The following PTCSC3 variants were observed in gnomAD, a reference collection of about 807,000 sequenced individuals.
The protein encoded by PTCSC3 is papillary thyroid carcinoma susceptibility candidate 3 (non-protein coding).
At chr14:36,151,990 A>G (rs565673105) in intron 3 of PTCSC3, among the ~76,000 whole-genome samples, 23 of 152,334 alleles carry the variant, frequency 1.5e-4, no homozygotes, top group Admixed American at 5.9e-4. Flanking sequence ...TGTAACTGCA[A>G]TGCTCTGATG....
At chr14:36,145,226 G>A (rs2139091789) in intron 3 of PTCSC3, among the ~76,000 whole-genome samples, 1 of 148,410 alleles carries the variant, frequency 6.7e-6, no homozygotes, top group Admixed American at 6.7e-5. Context: ...AATAGTTTCA[G>A]AAGGAATGGT....
At chr14:36,157,005 G>T (rs922745228) in intron 2 of PTCSC3, among the ~76,000 whole-genome samples, 12 of 152,082 alleles carry the variant, frequency 7.9e-5, no homozygotes, top group Admixed American at 7.2e-4. Flanking sequence ...TTCCACAATG[G>T]TTGAACTAAT....
chr14:36,148,538 C>T (rs1881645720), intron 3 of PTCSC3, among the ~76,000 whole-genome samples: 1 of 152,218 alleles, frequency 6.6e-6, no homozygotes, highest in Non-Finnish European at 1.5e-5. Context: ...GCAGTGTGTG[C>T]ACCCACTGAC....
At chr14:36,164,073 T>C (rs1299834502) in intron 1 of PTCSC3, 1 of 152,212 alleles carries the variant, frequency 6.6e-6, no homozygotes, top group Admixed American at 6.5e-5. Flanking sequence ...ATAGCTGAAT[T>C]TCATGTATAA....
chr14:36,173,735 C>T (rs750981632), intron 1 of PTCSC3, among the ~76,000 whole-genome samples: 14 of 152,018 alleles, frequency 9.2e-5, no homozygotes, highest in Non-Finnish European at 1.8e-4. Context: ...TTAAATTTCT[C>T]TTTCACCTGA....
chr14:36,157,134 T>G (rs945102730), intron 2 of PTCSC3, among the ~76,000 whole-genome samples: 2 of 152,240 alleles, frequency 1.3e-5, no homozygotes, highest in Non-Finnish European at 2.9e-5. Flanking sequence ...TATCACATTG[T>G]GGTTTTGATT....
At chr14:36,163,113 G>A (rs1360783563) in intron 1 of PTCSC3, among the ~76,000 whole-genome samples, 2 of 151,596 alleles carry the variant, frequency 1.3e-5, no homozygotes, top group East Asian at 3.9e-4. Flanking sequence ...AGCCATGGTA[G>A]GTGGTACACA....
chr14:36,165,506 T>C (rs932540032), intron 1 of PTCSC3, among the ~76,000 whole-genome samples: 5 of 151,968 alleles, frequency 3.3e-5, no homozygotes, highest in Non-Finnish European at 7.4e-5. Context: ...TGACAACAGA[T>C]TGAGAGTTAA....
At chr14:36,171,042 C>T (rs2139113730) in intron 1 of PTCSC3, among the ~76,000 whole-genome samples, 1 of 152,242 alleles carries the variant, frequency 6.6e-6, no homozygotes, top group South Asian at 2.1e-4. Flanking sequence ...AATAAATTGG[C>T]TGTGATGGGC....
intron 3 of PTCSC3, among the ~76,000 whole-genome samples, chr14:36,137,259 TACA>T (rs35237394): frequency 0.081 from 12,275 of 151,998 alleles, 592 homozygotes; most frequent in Middle Eastern, 0.2. Context: ...ATATTTTAGG[TACA>T]ACAACGAGGC....
chr14:36,141,459 ATATATC>A (rs1199263680), intron 3 of PTCSC3, among the ~76,000 whole-genome samples: 2 of 151,908 alleles, frequency 1.3e-5, no homozygotes, highest in Admixed American at 6.6e-5. Flanking sequence ...ATATAGATAT[ATATATC>A]TATAAACATC....
intron 1 of PTCSC3, among the ~76,000 whole-genome samples, chr14:36,164,904 A>G (rs1344599292): frequency 1.3e-5 from 2 of 152,220 alleles, no homozygotes; most frequent in African/African-American, 4.8e-5. Context: ...TATCTTTGTT[A>G]ATTCCTACTA....
chr14:36,143,049 G>A (rs1472473161), intron 3 of PTCSC3, among the ~76,000 whole-genome samples: 9 of 151,690 alleles, frequency 5.9e-5, no homozygotes, highest in Admixed American at 5.3e-4. Flanking sequence ...TCTTAATCCA[G>A]TCTATCATTG....
intron 3 of PTCSC3, among the ~76,000 whole-genome samples, chr14:36,153,113 C>A (rs118145423): frequency 0.015 from 2,354 of 152,170 alleles, 23 homozygotes; most frequent in Middle Eastern, 0.037. Flanking sequence ...TTTTGATGGT[C>A]CTCTTTGATT....
intron 2 of PTCSC3, among the ~76,000 whole-genome samples, chr14:36,155,682 C>G (rs1296627881): frequency 6.6e-6 from 1 of 152,076 alleles, no homozygotes; most frequent in East Asian, 1.9e-4. Context: ...TTCTTCCTCT[C>G]TTTCTCTGTG....
intron 3 of PTCSC3, among the ~76,000 whole-genome samples, chr14:36,146,932 G>A (rs1881588609): frequency 6.6e-6 from 1 of 152,130 alleles, no homozygotes; most frequent in Non-Finnish European, 1.5e-5. Context: ...AGCTTAGTTT[G>A]GCTGGATATG....
At chr14:36,145,871 T>G (rs1343254346) in intron 3 of PTCSC3, among the ~76,000 whole-genome samples, 100 of 146,836 alleles carry the variant, frequency 6.8e-4, no homozygotes, top group African/African-American at 2.5e-3. Flanking sequence ...GTCTTTGTTC[T>G]CGTTGGTTTC....
At chr14:36,147,831 T>A (rs925865436) in intron 3 of PTCSC3, among the ~76,000 whole-genome samples, 1 of 151,904 alleles carries the variant, frequency 6.6e-6, no homozygotes, top group Non-Finnish European at 1.5e-5. Context: ...GATGTACAGA[T>A]GGGTTTTTGG....
intron 1 of PTCSC3, among the ~76,000 whole-genome samples, chr14:36,164,851 A>G (rs938907717): frequency 1.3e-5 from 2 of 152,206 alleles, no homozygotes; most frequent in East Asian, 1.9e-4. Flanking sequence ...TGTCTTTGCT[A>G]TATGTATCTT....
Sources: allele counts gnomAD v4.1 joint callset (sites outside exome capture counted in the v4.1 genomes callset), GRCh38; gene constraint gnomAD v4.1.1; transcripts MANE v1.5; gene names NCBI Gene and HGNC (gene_info 2026-07-23, HGNC 2026-07-21).